NCOA2: variants seen among roughly 807,000 people sequenced by gnomAD.
NCOA2 encodes class E basic helix-loop-helix protein 75.
Under a neutral mutation model 145.1 loss-of-function variants are expected in NCOA2, and 21 were observed. The observed-to-expected ratio is 0.14, with a 90% confidence interval of 0.10 to 0.21. The LOEUF (loss-of-function observed/expected upper bound fraction) is 0.21. Among genes scored for constraint, NCOA2 ranks in the 10% least tolerant of loss-of-function variants. The pLI, the probability that NCOA2 is intolerant of heterozygous loss-of-function variation, is 1.00. For synonymous variants in NCOA2, 619 were observed against 637.5 expected (o/e 0.97, Z 0.44); for missense variants, 1,472 against 1,837.6 (o/e 0.80, Z 3.64).
chr8:70,443,846 A>G, the NCOA2 span, among the ~76,000 whole-genome samples: 1 of 152,170 alleles, frequency 6.6e-6, no homozygotes, highest in African/African-American at 2.4e-5. Context: ...AAGTGCTGCA[A>G]TTACCGGCTA....
rs146236517 is a variant in NCOA2, at chr8:70,361,134, A to T, written c.-77+42566T>A. ...TGTTAAATAAAATGACCCTGATCTT[A>T]ATCTGTTATCATTTTATAATACTAG... On this transcript the variant is annotated intron_variant, in intron 1 of 22. Transcript: ENST00000452400. 9.3e-3 allele frequency among the ~76,000 whole-genome samples: 1,415 copies of T among 152,290 alleles called. 22 individuals carry two copies. Among genetic ancestry groups the T allele is most frequent in the African/African-American group, 0.032 (1,318 of 41,550 alleles).
At chr8:70,337,546 T>A (rs1472828562) in intron 1 of NCOA2, among the ~76,000 whole-genome samples, 1 of 152,152 alleles carries the variant, frequency 6.6e-6, no homozygotes, top group East Asian at 1.9e-4. Context: ...CTACCATCTG[T>A]AACACTGAAA....
At chr8:70,387,243 G>C (rs11780994) in intron 1 of NCOA2, among the ~76,000 whole-genome samples, 15,988 of 152,202 alleles carry the variant, frequency 0.11, 1,286 homozygotes, top group East Asian at 0.41. Context: ...ATAACACACT[G>C]TAGCCTCAAA....
At chr8:70,255,372 T>C (rs902387996) in intron 2 of NCOA2, among the ~76,000 whole-genome samples, 1 of 152,180 alleles carries the variant, frequency 6.6e-6, no homozygotes, top group Non-Finnish European at 1.5e-5. Context: ...TGTAGAAAAG[T>C]ATAGGTAATT....
chr8:70,167,757 AGAGAG>A (rs1164285463), intron 6 of NCOA2, among the ~76,000 whole-genome samples: 1 of 152,218 alleles, frequency 6.6e-6, no homozygotes, highest in Middle Eastern at 3.2e-3. Context: ...AGACAATGAA[AGAGAG>A]GAAAGACAAC....
chr8:70,446,465 C>T, the NCOA2 span, among the ~76,000 whole-genome samples: 1 of 152,170 alleles, frequency 6.6e-6, no homozygotes, highest in South Asian at 2.1e-4. Context: ...TTTTGTTTCC[C>T]TTAGCTCCTT....
chr8:70,159,229 T>TA (rs1248590107), intron 10 of NCOA2, among the ~76,000 whole-genome samples: 9 of 74,968 alleles, frequency 1.2e-4, no homozygotes, highest in African/African-American at 2.1e-4. Flanking sequence ...ACATTATATA[T>TA]ATATATATAT....
chr8:70,188,405 C>T (rs183639063), intron 4 of NCOA2, among the ~76,000 whole-genome samples: 58 of 152,236 alleles, frequency 3.8e-4, no homozygotes, highest in Admixed American at 5.9e-4. Flanking sequence ...TATCATAATG[C>T]CGTAAGGCTA....
intron 9 of NCOA2, among the ~76,000 whole-genome samples, chr8:70,161,993 G>C (rs1172824066): frequency 6.6e-6 from 1 of 152,058 alleles, no homozygotes; most frequent in African/African-American, 2.4e-5. Flanking sequence ...ACCAAAATGA[G>C]CTCAGATGGA....
intron 1 of NCOA2, among the ~76,000 whole-genome samples, chr8:70,361,946 T>C (rs918095175): frequency 3.3e-5 from 5 of 152,228 alleles, no homozygotes; most frequent in African/African-American, 1.2e-4. Flanking sequence ...GGAACATATC[T>C]AGTTTTGACA....
intron 11 of NCOA2, among the ~76,000 whole-genome samples, chr8:70,151,017 C>G (rs1464650127): frequency 1.3e-5 from 2 of 152,146 alleles, no homozygotes; most frequent in Non-Finnish European, 2.9e-5. Context: ...AGTTTCCCTA[C>G]TACAATGTTG....
the NCOA2 span, among the ~76,000 whole-genome samples, chr8:70,442,447 AAT>A: frequency 4.7e-4 from 71 of 152,360 alleles, no homozygotes; most frequent in Middle Eastern, 3.4e-3. Flanking sequence ...TGGAGACAAA[AAT>A]AGTCACCATT....
the NCOA2 span, among the ~76,000 whole-genome samples, chr8:70,409,810 C>T: frequency 6.6e-6 from 1 of 152,064 alleles, no homozygotes; most frequent in Non-Finnish European, 1.5e-5. Flanking sequence ...GTTGAGGCTG[C>T]AGTGAGCCAT....
In NCOA2 at chr8:70,113,488, G is replaced by T; in HGVS notation, c.*144C>A. ...GCCACAGCCGAGTGGACGCCACCCT[G>T]GGAACCAGGGCCAGGCCTGTCTGCT... On this transcript the variant is annotated 3_prime_UTR_variant, in exon 23 of 23. Coordinates refer to ENST00000452400, the MANE Select transcript of NCOA2 (RefSeq NM_006540.4). The T allele has an allele frequency of 1.1e-6, 1 of 889,878 alleles. No individual in the cohort carries two copies. The highest frequency in any genetic ancestry group is 1.7e-6 in the Non-Finnish European group (1 of 573,182). 55.1% of individuals were successfully genotyped at this position (889,878 alleles called of 1,614,324 possible). A position where few individuals can be genotyped will look rare whatever the true frequency, so the allele number is the denominator to read the frequency against.
At chr8:70,377,064 G>GTT (rs11285597) in intron 1 of NCOA2, among the ~76,000 whole-genome samples, 2 of 146,846 alleles carry the variant, frequency 1.4e-5, no homozygotes. Context: ...TATACGTTGT[G>GTT]TTTTTTTTTT....
chr8:70,127,858 T>C (rs924751250), intron 18 of NCOA2, among the ~76,000 whole-genome samples: 1 of 152,218 alleles, frequency 6.6e-6, no homozygotes, highest in African/African-American at 2.4e-5. Context: ...TACTGTAAAC[T>C]AGTGTCCTCT....
chr8:70,363,660 A>T (rs1810419045), intron 1 of NCOA2, among the ~76,000 whole-genome samples: 1 of 152,212 alleles, frequency 6.6e-6, no homozygotes, highest in African/African-American at 2.4e-5. Flanking sequence ...AGACTGTAGG[A>T]TTGTTATTTC....
chr8:70,441,951 A>G, the NCOA2 span, among the ~76,000 whole-genome samples: 5 of 150,544 alleles, frequency 3.3e-5, no homozygotes, highest in African/African-American at 9.7e-5. Context: ...AGAAAGAAAG[A>G]AAGGAAAGAA....
intron 4 of NCOA2, among the ~76,000 whole-genome samples, chr8:70,197,581 T>C (rs755781358): frequency 1.3e-5 from 2 of 152,240 alleles, no homozygotes; most frequent in Non-Finnish European, 2.9e-5. Context: ...TGTTTGAACA[T>C]AGAAGATATC....
Sources: gnomAD v4.1 joint callset for allele counts (sites outside exome capture counted in the v4.1 genomes callset) on GRCh38, gnomAD v4.1.1 for gene constraint, MANE v1.5 for transcripts, NCBI Gene and HGNC (gene_info 2026-07-23, HGNC 2026-07-21) for gene names.